TMEM135: variants seen among roughly 807,000 people sequenced by gnomAD.
The protein encoded by TMEM135 is transmembrane protein 135, also known as peroxisomal membrane protein 52.
A neutral mutation model predicts 60.3 loss-of-function variants in TMEM135; 30 were observed. The ratio of observed to expected loss-of-function variants is 0.50; its 90% CI spans 0.37 to 0.68. TMEM135 has a LOEUF of 0.68. Among genes scored for constraint, TMEM135 ranks in the 30% least tolerant of loss-of-function variants. The pLI, the probability that TMEM135 is intolerant of heterozygous loss-of-function variation, is 0.00. For synonymous variants in TMEM135, 190 were observed against 186.7 expected (o/e 1.02, Z -0.14); for missense variants, 468 against 548.8 (o/e 0.85, Z 1.47).
intron 5 of TMEM135, among the ~76,000 whole-genome samples, chr11:87,218,450 T>G (rs1940548390): frequency 6.6e-6 from 1 of 152,186 alleles, no homozygotes; most frequent in Admixed American, 6.5e-5. Context: ...TCACTAATGA[T>G]TCTTGGTCTC....
rs966854021 is a variant in TMEM135 at position 87,324,354 on chromosome 11, A to G, written c.*3021A>G. ...CTGAAGGGAACTGACCACTGGAGCAATGGCCCAAATGTTGTTTTTGGAGCA... is the reference window on the plus strand; with the variant it reads ...CTGAAGGGAACTGACCACTGGAGCAGTGGCCCAAATGTTGTTTTTGGAGCA... On this transcript the variant is annotated 3_prime_UTR_variant, in exon 15 of 15. Coordinates refer to ENST00000305494, the MANE Select transcript of TMEM135 (RefSeq NM_022918.4). 1 of 454,036 alleles carries G rather than the reference A, an allele frequency of 2.2e-6. No homozygotes were observed. The highest frequency in any genetic ancestry group is 4.4e-6 in the Non-Finnish European group (1 of 226,772). The allele number at this position is 454,036 out of a possible 1,614,324, so 28.1% of individuals were successfully genotyped here.
At chr11:87,130,405 A>T (rs1313526823) in intron 4 of TMEM135, among the ~76,000 whole-genome samples, 1 of 152,200 alleles carries the variant, frequency 6.6e-6, no homozygotes, top group Non-Finnish European at 1.5e-5. Context: ...ACTGGAAGTT[A>T]GGACATACCT....
intron 1 of TMEM135, among the ~76,000 whole-genome samples, chr11:87,058,935 A>G (rs1949919640): frequency 6.6e-6 from 1 of 150,638 alleles, no homozygotes; most frequent in Non-Finnish European, 1.5e-5. Flanking sequence ...TTTAATTTTA[A>G]TTTAATTTTT....
At chr11:87,073,373 A>G (rs189258963) in intron 3 of TMEM135, among the ~76,000 whole-genome samples, 106 of 152,256 alleles carry the variant, frequency 7.0e-4, no homozygotes, top group South Asian at 2.3e-3. Flanking sequence ...GTGTCATAGT[A>G]TCTAAATTTT....
chr11:87,246,180 C>T (rs1359844585), intron 6 of TMEM135, among the ~76,000 whole-genome samples: 3 of 135,996 alleles, frequency 2.2e-5, no homozygotes, highest in African/African-American at 5.7e-5. Flanking sequence ...AATATTGGCC[C>T]CCACTGTCTT....
chr11:87,067,395 AT>A (rs958410411), intron 1 of TMEM135, among the ~76,000 whole-genome samples: 23 of 151,406 alleles, frequency 1.5e-4, no homozygotes, highest in African/African-American at 4.9e-4. Context: ...TCATTTAAAA[AT>A]ATATTCCATT....
At chr11:87,245,131 G>A (rs1456424061) in intron 6 of TMEM135, among the ~76,000 whole-genome samples, 1 of 142,254 alleles carries the variant, frequency 7.0e-6, no homozygotes, top group African/African-American at 2.6e-5. Context: ...TCAGGAGCAG[G>A]TTGTTCAGTT....
At chr11:87,131,864 C>T (rs148951015) in intron 4 of TMEM135, among the ~76,000 whole-genome samples, 33 of 152,162 alleles carry the variant, frequency 2.2e-4, no homozygotes, top group African/African-American at 7.0e-4. Flanking sequence ...CTCTCCCCAT[C>T]GCTTGCATTG....
At chr11:87,317,390 T>C (rs978217214) in intron 12 of TMEM135, among the ~76,000 whole-genome samples, 3 of 152,150 alleles carry the variant, frequency 2.0e-5, no homozygotes, top group African/African-American at 7.2e-5. Context: ...ATTTATCTTG[T>C]TTCCAAAATA....
At chr11:87,173,032 G>T (rs1565473455) in intron 5 of TMEM135, among the ~76,000 whole-genome samples, 1 of 151,820 alleles carries the variant, frequency 6.6e-6, no homozygotes, top group African/African-American at 2.4e-5. Flanking sequence ...TGTTGAATGT[G>T]AATTCTTTAT....
intron 4 of TMEM135, among the ~76,000 whole-genome samples, chr11:87,130,313 A>G (rs796889027): frequency 1.4e-4 from 22 of 152,258 alleles, no homozygotes; most frequent in African/African-American, 3.4e-4. Context: ...AATAAATTCT[A>G]TGATAATGAT....
chr11:87,177,718 T>A (rs1355981617), intron 5 of TMEM135, among the ~76,000 whole-genome samples: 1 of 152,144 alleles, frequency 6.6e-6, no homozygotes, highest in Non-Finnish European at 1.5e-5. Flanking sequence ...GTAATACAGT[T>A]CTGACACTAA....
intron 5 of TMEM135, among the ~76,000 whole-genome samples, chr11:87,232,796 C>G (rs555926724): frequency 3.9e-5 from 6 of 152,098 alleles, no homozygotes; most frequent in South Asian, 4.2e-4. Flanking sequence ...GAGATGTGTA[C>G]TATAAACCAT....
chr11:87,077,512 G>A (rs977300629), intron 3 of TMEM135, among the ~76,000 whole-genome samples: 4 of 152,126 alleles, frequency 2.6e-5, no homozygotes, highest in African/African-American at 7.2e-5. Context: ...TGCAGAATGC[G>A]TTTCATATAC....
At chr11:87,155,007 A>ATTTATTTG (rs1288605448) in intron 4 of TMEM135, among the ~76,000 whole-genome samples, 1 of 152,082 alleles carries the variant, frequency 6.6e-6, no homozygotes, top group African/African-American at 2.4e-5. Context: ...TTATTTATTT[A>ATTTATTTG]TTTATTTAGA....
In TMEM135 at chr11:87,270,863, A is replaced by G. The variant is rs554822348; in HGVS notation, c.510-24919A>G. On this transcript the variant is annotated intron_variant, in intron 6 of 14. Coordinates refer to ENST00000305494, the MANE Select transcript of TMEM135 (RefSeq NM_022918.4). ...ATTAAAGTTGAGTTTTACAAAAATC[A>G]TAATGCATAAATTTAAAAAATGTTA... Among the ~76,000 whole-genome samples, 4 of 152,332 alleles carry G rather than the reference A, an allele frequency of 2.6e-5. No homozygotes were observed. The East Asian group carries it at 7.7e-4, about 29-fold the overall frequency.
At chr11:87,289,437 C>CTTTTTTTTTTTT (rs376999371) in intron 6 of TMEM135, among the ~76,000 whole-genome samples, 2 of 87,606 alleles carry the variant, frequency 2.3e-5, no homozygotes, top group African/African-American at 5.9e-5. Flanking sequence ...ATCTCCATAT[C>CTTTTTTTTTTTT]TTTTTTTTTT....
chr11:87,113,453 G>T (rs907107211), intron 4 of TMEM135, among the ~76,000 whole-genome samples: 2 of 152,034 alleles, frequency 1.3e-5, no homozygotes, highest in South Asian at 4.1e-4. Flanking sequence ...ATTTAATAAA[G>T]ATATTTTAAA....
At chr11:87,319,541 C>A (rs540301593) in intron 14 of TMEM135, among the ~76,000 whole-genome samples, 164 bp downstream of exon 14, 4 of 152,092 alleles carry the variant, frequency 2.6e-5, no homozygotes, top group African/African-American at 7.2e-5. Context: ...TCTGACTATT[C>A]TTTTCCCTAT....
Sources: gnomAD v4.1 joint callset for allele counts (sites outside exome capture counted in the v4.1 genomes callset) on GRCh38, gnomAD v4.1.1 for gene constraint, MANE v1.5 for transcripts, NCBI Gene and HGNC (gene_info 2026-07-23, HGNC 2026-07-21) for gene names.